NRXN3: variants seen among roughly 807,000 people sequenced by gnomAD.
NRXN3 encodes the protein neurexin III.
A neutral mutation model predicts 137.6 loss-of-function variants in NRXN3; 32 were observed. That is an observed-to-expected ratio of 0.23 (90% CI 0.18 to 0.31). NRXN3 has a LOEUF of 0.31. Among genes scored for constraint, NRXN3 ranks in the 10% least tolerant of loss-of-function variants. The pLI, the probability that NRXN3 is intolerant of heterozygous loss-of-function variation, is 1.00. For missense variants in NRXN3, 1,574 were observed against 2,062.5 expected, an observed-to-expected ratio of 0.76 and a Z score of 4.59; for synonymous variants, 798 against 784.5, an observed-to-expected ratio of 1.02 and a Z score of -0.29.
chr14:79,344,728 C>T (rs1195793069), intron 15 of NRXN3, among the ~76,000 whole-genome samples: 1 of 152,156 alleles, frequency 6.6e-6, no homozygotes, highest in Non-Finnish European at 1.5e-5. Context: ...TGAAATGCAT[C>T]TGGAAAATTT....
chr14:79,051,552 G>T (rs80108815), intron 15 of NRXN3, among the ~76,000 whole-genome samples: 4,386 of 152,250 alleles, frequency 0.029, 212 homozygotes, highest in African/African-American at 0.1. Flanking sequence ...CGGCACTAAA[G>T]AAAATTTCCT....
chr14:79,288,190 A>T (rs1254623248), intron 15 of NRXN3, among the ~76,000 whole-genome samples: 1 of 152,240 alleles, frequency 6.6e-6, no homozygotes, highest in African/African-American at 2.4e-5. Context: ...AGAGTGGCAC[A>T]CTGTGATGTT....
At chr14:78,581,760 T>C (rs1340636606) in intron 4 of NRXN3, among the ~76,000 whole-genome samples, 2 of 152,202 alleles carry the variant, frequency 1.3e-5, no homozygotes, top group African/African-American at 4.8e-5. Context: ...TGAAAATGTA[T>C]AGTTGGCTAG....
chr14:79,816,521 CTT>C (rs1429466069), intron 20 of NRXN3, among the ~76,000 whole-genome samples: 1 of 152,226 alleles, frequency 6.6e-6, no homozygotes, highest in Non-Finnish European at 1.5e-5. Flanking sequence ...AGAATGTCCA[CTT>C]TGACTAATTT....
chr14:78,637,140 G>C (rs931346720), intron 4 of NRXN3, among the ~76,000 whole-genome samples: 1 of 152,026 alleles, frequency 6.6e-6, no homozygotes, highest in Non-Finnish European at 1.5e-5. Context: ...CCCATCCCCA[G>C]TGCTCAAGAA....
intron 4 of NRXN3, among the ~76,000 whole-genome samples, chr14:78,385,837 A>T (rs2089892969): frequency 6.6e-6 from 1 of 152,132 alleles, no homozygotes; most frequent in Non-Finnish European, 1.5e-5. Context: ...AGTGACACCT[A>T]CAAGGAAGCA....
intron 15 of NRXN3, among the ~76,000 whole-genome samples, chr14:79,434,933 C>A (rs1365862251): frequency 6.6e-6 from 1 of 152,194 alleles, no homozygotes; most frequent in African/African-American, 2.4e-5. Context: ...CACCCATTGA[C>A]TGAATCCGGT....
Position 79,652,030 on chromosome 14 carries a change from G to A in NRXN3, c.3445-11748G>A, listed in dbSNP as rs112284081. On this transcript the variant is annotated intron_variant, in intron 16 of 20. Coordinates refer to ENST00000335750, the MANE Select transcript of NRXN3 (RefSeq NM_001330195.2). ...GACTGTTCTGCCACTGTTTAAGGAC[G>A]ATATTACAGTTGGATTATAGATGAC... is the stretch of plus-strand genomic sequence containing the variant. Among the ~76,000 whole-genome samples the A allele has an allele frequency of 7.2e-4, 109 of 152,264 alleles. 1 individual carries two copies. The highest frequency in any genetic ancestry group is 2.5e-3 in the African/African-American group (104 of 41,562).
At position 79,020,431 on chromosome 14, in the gene NRXN3, A is replaced by ATT. The variant is rs144058950; in HGVS notation, c.3262+32302_3262+32303dup. Among the ~76,000 whole-genome samples the ATT allele has an allele frequency of 2.6e-3, 359 of 138,734 alleles. 1 individual carries two copies. The highest frequency in any genetic ancestry group is 6.3e-3 in the African/African-American group (234 of 37,264). The allele number at this position is 138,734 out of a possible 152,430, so 91.0% of individuals were successfully genotyped here. ...CAGGCATGTGCCACCACGCCTGGCT[A>ATT]TTTTTTTTTTTTTAATAGAGATGGG... On this transcript the variant is annotated intron_variant, in intron 15 of 20. Coordinates refer to ENST00000335750, the MANE Select transcript of NRXN3 (RefSeq NM_001330195.2).
chr14:78,335,810 G>A, intron 4 of NRXN3, among the ~76,000 whole-genome samples: 1 of 152,262 alleles, frequency 6.6e-6, no homozygotes, highest in Admixed American at 6.5e-5. Context: ...CCAGCTCCAT[G>A]AAATGTAAAT....
At chr14:78,881,086 A>C (rs191152123) in intron 10 of NRXN3, among the ~76,000 whole-genome samples, 2 of 151,664 alleles carry the variant, frequency 1.3e-5, no homozygotes, top group Non-Finnish European at 2.9e-5. Context: ...TCCTGCTGTC[A>C]TGTGAAGAAG....
intron 3 of NRXN3, among the ~76,000 whole-genome samples, chr14:78,281,857 G>A (rs954449227): frequency 1.3e-5 from 2 of 152,158 alleles, no homozygotes; most frequent in African/African-American, 4.8e-5. Context: ...TTGTGCTCTT[G>A]TTCTTCCAGA....
intron 19 of NRXN3, among the ~76,000 whole-genome samples, chr14:79,712,785 G>T (rs2098809149): frequency 6.6e-6 from 1 of 152,098 alleles, no homozygotes; most frequent in African/African-American, 2.4e-5. Context: ...TTTAGTCTGG[G>T]CTGGGCGCTC....
intron 15 of NRXN3, among the ~76,000 whole-genome samples, chr14:79,385,126 T>C (rs963554148): frequency 3.3e-5 from 5 of 151,370 alleles, no homozygotes; most frequent in African/African-American, 1.2e-4. Context: ...TAGTTACATA[T>C]GTATACATGT....
intron 16 of NRXN3, among the ~76,000 whole-genome samples, chr14:79,654,346 A>T (rs956539896): frequency 8.5e-5 from 13 of 152,090 alleles, no homozygotes; most frequent in African/African-American, 3.1e-4. Flanking sequence ...AAAAAACTTA[A>T]AAAAAATTAA....
At chr14:78,282,815 C>T (rs1241633993) in intron 3 of NRXN3, among the ~76,000 whole-genome samples, 1 of 152,202 alleles carries the variant, frequency 6.6e-6, no homozygotes, top group Non-Finnish European at 1.5e-5. Context: ...CAGCCTGAAC[C>T]CAAAGCTTGG....
chr14:78,899,133 T>C (rs1416491553), intron 10 of NRXN3, among the ~76,000 whole-genome samples: 1 of 151,914 alleles, frequency 6.6e-6, no homozygotes, highest in Non-Finnish European at 1.5e-5. Context: ...TGGAGACACA[T>C]AGGAAAACAA....
At chr14:78,743,635 A>G (rs2098593023) in intron 8 of NRXN3, among the ~76,000 whole-genome samples, 1 of 152,220 alleles carries the variant, frequency 6.6e-6, no homozygotes, top group Non-Finnish European at 1.5e-5. Context: ...GATATCTGGG[A>G]GCCATCCTTA....
At chr14:79,773,018 C>A (rs2099084136) in intron 19 of NRXN3, among the ~76,000 whole-genome samples, 1 of 151,958 alleles carries the variant, frequency 6.6e-6, no homozygotes, top group African/African-American at 2.4e-5. Context: ...CCAAAAAACA[C>A]ATGAAAAAAT....
Sources: gnomAD v4.1 joint callset for allele counts (sites outside exome capture counted in the v4.1 genomes callset) on GRCh38, gnomAD v4.1.1 for gene constraint, MANE v1.5 for transcripts, NCBI Gene and HGNC (gene_info 2026-07-23, HGNC 2026-07-21) for gene names.